The following GRID2 variants were observed in gnomAD, a reference collection of about 807,000 sequenced individuals.
GRID2 encodes glutamate receptor ionotropic, delta-2.
Under a neutral mutation model 114.8 loss-of-function variants are expected in GRID2, and 33 were observed. The ratio of observed to expected loss-of-function variants is 0.29; its 90% confidence interval spans 0.22 to 0.38. The LOEUF (loss-of-function observed/expected upper bound fraction) is 0.38, where lower values mean the gene tolerates loss of function less well. Among genes scored for constraint, GRID2 ranks in the 10% least tolerant of loss-of-function variants. GRID2 has a pLI of 1.00. For synonymous variants in GRID2, 505 were observed against 449.9 expected (o/e 1.12, Z -1.55); for missense variants, 1,184 against 1,257.7 (o/e 0.94, Z 0.89).
chr4:92,648,391 T>C (rs1277223373), intron 2 of GRID2, among the ~76,000 whole-genome samples: 9 of 149,546 alleles, frequency 6.0e-5, no homozygotes, highest in Admixed American at 3.3e-4. Flanking sequence ...TAAAAGTAGT[T>C]ACATTTCTTG....
At chr4:92,529,274 TGA>T (rs548524431) in intron 1 of GRID2, among the ~76,000 whole-genome samples, 28 of 149,882 alleles carry the variant, frequency 1.9e-4, no homozygotes, top group Admixed American at 5.3e-4. Flanking sequence ...TACAATGTAG[TGA>T]GAGAGAGAGA....
At chr4:93,181,197 T>A (rs894217676) in intron 4 of GRID2, among the ~76,000 whole-genome samples, 2 of 152,172 alleles carry the variant, frequency 1.3e-5, no homozygotes, top group African/African-American at 2.4e-5. Context: ...AATCTCCTTG[T>A]ACATCTCCAT....
intron 1 of GRID2, among the ~76,000 whole-genome samples, chr4:92,464,735 A>G (rs1721664203): frequency 6.6e-6 from 1 of 152,096 alleles, no homozygotes; most frequent in Admixed American, 6.6e-5. Context: ...TGTTAAAAAG[A>G]ATAATTAAGA....
intron 14 of GRID2, among the ~76,000 whole-genome samples, chr4:93,760,071 A>C (rs1733078083): frequency 6.6e-6 from 1 of 152,200 alleles, no homozygotes; most frequent in Non-Finnish European, 1.5e-5. Flanking sequence ...AGAATTAGTA[A>C]TATCAGACTT....
intron 2 of GRID2, among the ~76,000 whole-genome samples, chr4:92,939,802 G>A (rs1430735567): frequency 6.8e-6 from 1 of 147,212 alleles, no homozygotes; most frequent in Admixed American, 7.3e-5. Flanking sequence ...AGTTTTCCCA[G>A]CACCATTAAT....
intron 2 of GRID2, among the ~76,000 whole-genome samples, chr4:92,599,667 T>C (rs1050421883): frequency 7.9e-5 from 12 of 152,242 alleles, no homozygotes; most frequent in East Asian, 1.9e-4. Flanking sequence ...TTAGATGGGT[T>C]AAGTCCATTT....
At chr4:92,839,981 G>T (rs1336976618) in intron 2 of GRID2, among the ~76,000 whole-genome samples, 1 of 151,858 alleles carries the variant, frequency 6.6e-6, no homozygotes, top group Non-Finnish European at 1.5e-5. Context: ...TAATATTTCT[G>T]TTATATATCT....
rs1730225027 is a variant in GRID2, at chr4:93,085,191, C to T, written c.441C>T (p.Arg147=). 2 of 1,613,720 alleles carry T rather than the reference C, an allele frequency of 1.2e-6. No individual in the cohort carries two copies. Among genetic ancestry groups the T allele is most frequent in the Non-Finnish European group, 1.7e-6 (2 of 1,179,734 alleles). ...ATGATGACTACACTCTCTCAGTTCG[C>T]CCACCTGTCTACTTGCATGATGTTA... ...NRNDDYTLSV[R]PPVYLHDVIL... The change falls in exon 3 of 16, where the codon CGC becomes CGT. Residue 147 remains arginine, a synonymous_variant. Coordinates refer to ENST00000282020, the MANE Select transcript of GRID2 (RefSeq NM_001510.4).
rs139298491 is a variant in GRID2, at chr4:93,093,962, A to G, written c.529+8683A>G. 3.9e-5 allele frequency among the ~76,000 whole-genome samples: 6 copies of G among 152,174 alleles called. No individual in the cohort carries two copies. The East Asian group carries it at 9.7e-4, about 25-fold the overall frequency. ...AGCAAATCTGGTTTTGGTCTACTCCAAGCTCTATATCTTCATGGGTAACAC... is the reference window on the plus strand; with the variant it reads ...AGCAAATCTGGTTTTGGTCTACTCCGAGCTCTATATCTTCATGGGTAACAC... On this transcript the variant is annotated intron_variant, in intron 3 of 15. Transcript: ENST00000282020.
intron 14 of GRID2, among the ~76,000 whole-genome samples, chr4:93,678,603 A>C (rs534993323): frequency 6.6e-6 from 1 of 152,324 alleles, no homozygotes; most frequent in Non-Finnish European, 1.5e-5. Flanking sequence ...ACAAGCCAAA[A>C]GAGAGTGGGG....
intron 5 of GRID2, among the ~76,000 whole-genome samples, chr4:93,215,033 G>A (rs955555070): frequency 6.6e-5 from 10 of 151,908 alleles, no homozygotes; most frequent in African/African-American, 9.7e-5. Flanking sequence ...AGAATAAATA[G>A]CATCTGATTC....
At chr4:93,164,286 C>A (rs758843000) in intron 4 of GRID2, among the ~76,000 whole-genome samples, 4 of 151,850 alleles carry the variant, frequency 2.6e-5, no homozygotes, top group African/African-American at 7.3e-5. Context: ...ACTAAGATAA[C>A]CCTGGTTTGA....
chr4:93,601,378 A>G lies in GRID2; in HGVS notation c.2194-24891A>G, dbSNP rs1739668509. 3.3e-5 allele frequency among the ~76,000 whole-genome samples: 5 copies of G among 152,270 alleles called. No individual in the cohort carries two copies. The South Asian group carries it at 1.0e-3, about 32-fold the overall frequency. ...CATAAATACATGGGTGTCCTGGAAC[A>G]TGTCCCATTTTCATGCCTTATTCTT... is the stretch of plus-strand genomic sequence containing the variant. On this transcript the variant is annotated intron_variant, in intron 13 of 15. Coordinates refer to ENST00000282020, the MANE Select transcript of GRID2 (RefSeq NM_001510.4).
intron 4 of GRID2, among the ~76,000 whole-genome samples, chr4:93,117,439 G>A (rs1733378910): frequency 6.6e-6 from 1 of 151,798 alleles, no homozygotes; most frequent in Non-Finnish European, 1.5e-5. Flanking sequence ...TTTATTAACT[G>A]ATTTTGTTTT....
chr4:92,602,731 G>C (rs926365681), intron 2 of GRID2, among the ~76,000 whole-genome samples: 1 of 152,078 alleles, frequency 6.6e-6, no homozygotes, highest in Admixed American at 6.6e-5. Context: ...AAGAAATAAA[G>C]GTTATTCAAA....
At chr4:92,318,689 G>A (rs959042915) in intron 1 of GRID2, among the ~76,000 whole-genome samples, 15 of 151,440 alleles carry the variant, frequency 9.9e-5, no homozygotes, top group African/African-American at 3.6e-4. Context: ...GCCCAAGCTG[G>A]TCTCAAACTC....
chr4:92,787,231 T>C (rs1404943631), intron 2 of GRID2, among the ~76,000 whole-genome samples: 1 of 151,910 alleles, frequency 6.6e-6, no homozygotes, highest in East Asian at 1.9e-4. Flanking sequence ...ACACATCAAG[T>C]ATATATTCTA....
intron 2 of GRID2, among the ~76,000 whole-genome samples, chr4:92,727,724 A>G (rs549411548): frequency 8.8e-4 from 134 of 152,194 alleles, no homozygotes; most frequent in African/African-American, 3.1e-3. Context: ...TGGAGCAGGT[A>G]ATTGATGGAG....
At chr4:92,305,607 A>C (rs1725352263) in intron 1 of GRID2, among the ~76,000 whole-genome samples, 1 of 151,574 alleles carries the variant, frequency 6.6e-6, no homozygotes, top group Admixed American at 6.6e-5. Flanking sequence ...GCGGGCCGCG[A>C]CTCTGAGAAG....
Sources: allele counts gnomAD v4.1 joint callset (sites outside exome capture counted in the v4.1 genomes callset), GRCh38; gene constraint gnomAD v4.1.1; transcripts MANE v1.5; gene names NCBI Gene and HGNC (gene_info 2026-07-23, HGNC 2026-07-21).